Variants in NUBPL observed in about 807,000 individuals in gnomAD.
The protein encoded by NUBPL is NUBP iron-sulfur cluster assembly factor, mitochondrial, also known as iron-sulfur cluster transfer protein NUBPL.
A neutral mutation model predicts 45.7 loss-of-function variants in NUBPL; 31 were observed. The observed-to-expected ratio is 0.68, with a 90% confidence interval of 0.51 to 0.92. The LOEUF is 0.92. Among genes scored for constraint, NUBPL ranks in the 40% least tolerant of loss-of-function variants. The probability of loss-of-function intolerance (pLI) is 0.00; values close to 1 mark genes in which losing one functional copy is unlikely to be tolerated. For synonymous variants in NUBPL, 144 were observed against 140.9 expected (o/e 1.02, Z -0.15); for missense variants, 401 against 398.7 (o/e 1.01, Z -0.05).
At chr14:31,734,639 A>C (rs1265826231) in intron 6 of NUBPL, among the ~76,000 whole-genome samples, 3 of 152,006 alleles carry the variant, frequency 2.0e-5, no homozygotes, top group Non-Finnish European at 4.4e-5. Flanking sequence ...GTTTATTATA[A>C]TTATTTTGTG....
intron 4 of NUBPL, among the ~76,000 whole-genome samples, chr14:31,647,084 TTC>T (rs982157179): frequency 6.6e-6 from 1 of 152,176 alleles, no homozygotes; most frequent in Non-Finnish European, 1.5e-5. Context: ...TTTGTTAAAT[TTC>T]TCTGTTAAAT....
intron 7 of NUBPL, among the ~76,000 whole-genome samples, chr14:31,793,846 T>C (rs1247819597): frequency 7.6e-6 from 1 of 132,024 alleles, no homozygotes; most frequent in African/African-American, 3.5e-5. Flanking sequence ...TTTTTATTTT[T>C]TTTTTTATTT....
chr14:31,577,918 A>G, intron 3 of NUBPL: 3 of 1,276,930 alleles, frequency 2.3e-6, no homozygotes, highest in Non-Finnish European at 3.1e-6. Context: ...ATTGGTTCAT[A>G]TGTTTATCTC....
intron 6 of NUBPL, among the ~76,000 whole-genome samples, chr14:31,699,205 A>G (rs910051286): frequency 7.9e-5 from 12 of 152,180 alleles, no homozygotes; most frequent in Non-Finnish European, 7.4e-5. Flanking sequence ...GGGTAGGCCT[A>G]TATGTCTGTA....
chr14:31,792,568 G>A (rs904737741), intron 7 of NUBPL, among the ~76,000 whole-genome samples: 9 of 152,078 alleles, frequency 5.9e-5, no homozygotes, highest in South Asian at 2.1e-4. Flanking sequence ...GTACATTCAT[G>A]TTGTGGTTAT....
chr14:31,720,143 G>A (rs1253902408), intron 6 of NUBPL, among the ~76,000 whole-genome samples: 1 of 151,822 alleles, frequency 6.6e-6, no homozygotes, highest in East Asian at 1.9e-4. Context: ...TATTCTCATC[G>A]CCCACTTCTC....
chr14:31,642,339 C>T (rs1421218666), intron 4 of NUBPL, among the ~76,000 whole-genome samples: 1 of 152,026 alleles, frequency 6.6e-6, no homozygotes, highest in Non-Finnish European at 1.5e-5. Flanking sequence ...ATATTTAATC[C>T]GTTTTAATTT....
In NUBPL at chr14:31,711,554, A is replaced by G. The variant is rs544617957; in HGVS notation, c.513+37980A>G. 8.3e-4 allele frequency among the ~76,000 whole-genome samples: 126 copies of G among 152,112 alleles called. 1 individual carries two copies. Among genetic ancestry groups the G allele is most frequent in the Admixed American group, 1.4e-3 (21 of 15,286 alleles). On this transcript the variant is annotated intron_variant, in intron 6 of 10. Coordinates refer to ENST00000281081, the MANE Select transcript of NUBPL (RefSeq NM_025152.3). ...TCGTGGTTGCAAAAATGTGTCTGGA[A>G]TTGGTGGGTTCTTGGTCTCGCAGAC...
chr14:31,564,968 TAGAA>T (rs757420341), intron 2 of NUBPL, 42 bp from the exon 3 acceptor site: 1 of 1,056,518 alleles, frequency 9.5e-7, no homozygotes. Context: ...TGAATTTTAA[TAGAA>T]GGAAAGTTAC....
intron 4 of NUBPL, among the ~76,000 whole-genome samples, chr14:31,602,725 G>A (rs2034477570): frequency 6.6e-6 from 1 of 152,044 alleles, no homozygotes; most frequent in Admixed American, 6.6e-5. Context: ...GATCAAAAAT[G>A]GTAGATCCTC....
At chr14:31,798,236 G>A (rs1385911963) in intron 7 of NUBPL, among the ~76,000 whole-genome samples, 2 of 150,902 alleles carry the variant, frequency 1.3e-5, no homozygotes, top group African/African-American at 4.9e-5. Context: ...ATTTTTCAAG[G>A]AAACGTGCAT....
At chr14:31,760,227 A>G (rs1482055070) in intron 6 of NUBPL, among the ~76,000 whole-genome samples, 2 of 150,954 alleles carry the variant, frequency 1.3e-5, no homozygotes, top group African/African-American at 2.4e-5. Flanking sequence ...TGGCACAGTC[A>G]TGGCTTACTG....
chr14:31,638,048 C>T (rs1370980812), intron 4 of NUBPL, among the ~76,000 whole-genome samples: 2 of 152,082 alleles, frequency 1.3e-5, no homozygotes, highest in African/African-American at 4.8e-5. Context: ...ATCCAATTTG[C>T]CAGTCTGTGT....
At chr14:31,850,079 A>T in intron 9 of NUBPL, 40 bp from the exon 10 acceptor site, 1 of 1,500,080 alleles carries the variant, frequency 6.7e-7, no homozygotes, top group Non-Finnish European at 9.3e-7. Context: ...GCCTATATGA[A>T]CTTTTCTGGT....
rs138593809 is a variant in NUBPL, at chr14:31,611,791, G to T, written c.382+12412G>T. Among the ~76,000 whole-genome samples the T allele has an allele frequency of 7.9e-5, 12 of 152,246 alleles. No homozygotes were observed. In the East Asian group the frequency reaches 2.3e-3, roughly 29 times the overall value. Reference sequence around the variant, plus strand: ...ACACACCTGCAGTGAATTCATTTTCGACAAAGTTTCCAAGAGCATACAGTG... The same window carrying T: ...ACACACCTGCAGTGAATTCATTTTCTACAAAGTTTCCAAGAGCATACAGTG... On this transcript the variant is annotated intron_variant, in intron 4 of 10. Coordinates refer to ENST00000281081, the MANE Select transcript of NUBPL (RefSeq NM_025152.3).
chr14:31,772,358 T>C (rs1281788644), intron 6 of NUBPL, among the ~76,000 whole-genome samples: 1 of 152,178 alleles, frequency 6.6e-6, no homozygotes, highest in Middle Eastern at 3.2e-3. Context: ...TAGGCCTTTT[T>C]GGTAGCAGTC....
At chr14:31,734,508 CAAA>C (rs979042506) in intron 6 of NUBPL, among the ~76,000 whole-genome samples, 1 of 152,034 alleles carries the variant, frequency 6.6e-6, no homozygotes, top group African/African-American at 2.4e-5. Context: ...GAGTATTTCT[CAAA>C]AAAATTTTTT....
intron 6 of NUBPL, among the ~76,000 whole-genome samples, chr14:31,762,929 G>A (rs1475556270): frequency 6.6e-6 from 1 of 152,164 alleles, no homozygotes; most frequent in Non-Finnish European, 1.5e-5. Flanking sequence ...ATTGCTGATT[G>A]AGAGGACTTA....
At chr14:31,786,520 A>T (rs1027843446) in intron 6 of NUBPL, among the ~76,000 whole-genome samples, 4 of 150,972 alleles carry the variant, frequency 2.6e-5, no homozygotes, top group Non-Finnish European at 5.9e-5. Flanking sequence ...GCTGGTGATT[A>T]TGTATTTATG....
Sources: allele counts gnomAD v4.1 joint callset (sites outside exome capture counted in the v4.1 genomes callset), GRCh38; gene constraint gnomAD v4.1.1; transcripts MANE v1.5; gene names NCBI Gene and HGNC (gene_info 2026-07-23, HGNC 2026-07-21).